The following ACOXL variants were observed in gnomAD, a reference collection of about 807,000 sequenced individuals.
The protein encoded by ACOXL is acyl-CoA oxidase like, also known as acyl-coenzyme A oxidase-like protein.
A neutral mutation model predicts 71.9 loss-of-function variants in ACOXL; 70 were observed. That is an observed-to-expected ratio of 0.97 (90% CI 0.80 to 1.19). ACOXL has a LOEUF of 1.19. Ranked by LOEUF, ACOXL falls within the 50% of genes most tolerant of loss-of-function variation. The pLI is 0.00. For missense variants in ACOXL, 703 were observed against 736.3 expected (o/e 0.95, Z 0.52); for synonymous variants, 253 against 281.6 (o/e 0.90, Z 1.02).
intron 9 of ACOXL, among the ~76,000 whole-genome samples, chr2:110,807,095 C>T (rs1686744973): frequency 6.6e-6 from 1 of 152,244 alleles, no homozygotes; most frequent in Non-Finnish European, 1.5e-5. Context: ...GGGCCACATT[C>T]GCATCAGTTC....
chr2:111,021,454 G>A (rs1173548388), intron 14 of ACOXL, among the ~76,000 whole-genome samples: 1 of 152,140 alleles, frequency 6.6e-6, no homozygotes, highest in Non-Finnish European at 1.5e-5. Flanking sequence ...TTCTAGCTCA[G>A]TTTCAAAGCT....
At chr2:110,991,700 T>A (rs1425463727) in intron 13 of ACOXL, among the ~76,000 whole-genome samples, 1 of 152,140 alleles carries the variant, frequency 6.6e-6, no homozygotes, top group Non-Finnish European at 1.5e-5. Context: ...TTCCTTTTTT[T>A]ATTGCTGCTC....
intron 9 of ACOXL, among the ~76,000 whole-genome samples, chr2:110,819,222 C>G (rs1051067924): frequency 6.6e-6 from 1 of 152,126 alleles, no homozygotes; most frequent in African/African-American, 2.4e-5. Flanking sequence ...TGGTTTGGAC[C>G]AGATAATGAA....
In ACOXL at chr2:110,995,499, C is replaced by CAAAAAAAAAAAAAAAAAAA. The variant is rs567318996; in HGVS notation, c.1170-393_1170-375dup. ...TGGGAAACAGAGTGAGACTCTGTCT[C>CAAAAAAAAAAAAAAAAAAA]AAAAAAAAAAAAAAAAAAAGAATTG... On this transcript the variant is annotated intron_variant, in intron 13 of 17. Coordinates refer to ENST00000439055, the MANE Select transcript of ACOXL (RefSeq NM_001142807.4). Among the ~76,000 whole-genome samples, 2 of 67,304 alleles carry CAAAAAAAAAAAAAAAAAAA rather than the reference C, an allele frequency of 3.0e-5. 1 individual carries two copies. The highest frequency in any genetic ancestry group is 9.3e-4 in the East Asian group (2 of 2,158). The allele number at this position is 67,304 out of a possible 152,430, so 44.2% of individuals were successfully genotyped here.
chr2:111,022,932 G>A (rs2064840109), intron 14 of ACOXL, among the ~76,000 whole-genome samples: 2 of 152,230 alleles, frequency 1.3e-5, no homozygotes, highest in African/African-American at 4.8e-5. Flanking sequence ...ACTCTGCAAG[G>A]TGGTTACTGG....
chr2:111,056,491 A>T lies in ACOXL; in HGVS notation c.1440+7203A>T, dbSNP rs369988998. Reference sequence around the variant, plus strand: ...TAGGGCTAACTTTTTAACTCAAAAAAATATATATATATTTAGGCCAGGCAT... The same window carrying T: ...TAGGGCTAACTTTTTAACTCAAAAATATATATATATATTTAGGCCAGGCAT... On this transcript the variant is annotated intron_variant, in intron 16 of 17. Transcript: ENST00000439055. Among the ~76,000 whole-genome samples the T allele has an allele frequency of 7.2e-5, 11 of 152,040 alleles. No homozygotes were observed. The East Asian group carries it at 9.7e-4, about 13-fold the overall frequency.
chr2:110,928,701 A>G (rs2060370075), intron 11 of ACOXL, among the ~76,000 whole-genome samples: 1 of 152,164 alleles, frequency 6.6e-6, no homozygotes, highest in Admixed American at 6.5e-5. Context: ...CTGTGTCCCC[A>G]CTCAAATCTC....
At chr2:110,968,681 G>A in intron 12 of ACOXL, 1 of 1,154,660 alleles carries the variant, frequency 8.7e-7, no homozygotes, top group Non-Finnish European at 1.2e-6. Flanking sequence ...TCAAAAGAAG[G>A]CAAGCTTCCT....
chr2:110,927,689 T>G (rs1283538586), intron 11 of ACOXL, among the ~76,000 whole-genome samples: 2 of 152,224 alleles, frequency 1.3e-5, no homozygotes, highest in Non-Finnish European at 2.9e-5. Context: ...GTAAATTCTG[T>G]GAGCACAGAA....
chr2:111,055,921 T>C (rs781168239), intron 16 of ACOXL, among the ~76,000 whole-genome samples: 4 of 152,160 alleles, frequency 2.6e-5, no homozygotes, highest in African/African-American at 7.2e-5. Context: ...CTTATCCTCG[T>C]AAGCTAGAGC....
chr2:110,835,264 T>G (rs551585304), intron 9 of ACOXL, among the ~76,000 whole-genome samples: 2 of 149,256 alleles, frequency 1.3e-5, no homozygotes, highest in East Asian at 3.9e-4. Context: ...TTTCTTTAGG[T>G]TTTTTTTTTA....
chr2:110,908,748 C>G, intron 10 of ACOXL, 41 bp from the exon 11 acceptor site: 1 of 1,533,176 alleles, frequency 6.5e-7, no homozygotes, highest in Non-Finnish European at 9.0e-7. Flanking sequence ...ACCTCCCGCT[C>G]CTGGATTTTG....
At chr2:110,966,028 A>C (rs2061912369) in intron 12 of ACOXL, among the ~76,000 whole-genome samples, 1 of 152,176 alleles carries the variant, frequency 6.6e-6, no homozygotes, top group Non-Finnish European at 1.5e-5. Flanking sequence ...ACAAAAAAAC[A>C]TAACCATTCT....
At chr2:110,970,269 T>C (rs1427884664) in intron 12 of ACOXL, among the ~76,000 whole-genome samples, 1 of 152,246 alleles carries the variant, frequency 6.6e-6, no homozygotes, top group East Asian at 1.9e-4. Flanking sequence ...AATCTGGTAA[T>C]GCACAAAATG....
chr2:110,871,423 G>A (rs556869208), intron 10 of ACOXL, among the ~76,000 whole-genome samples: 22 of 151,954 alleles, frequency 1.4e-4, no homozygotes, highest in Non-Finnish European at 2.9e-4. Context: ...CAGCCCAGTG[G>A]AGAAACAAAT....
At chr2:110,906,292 C>T (rs769361791) in intron 10 of ACOXL, among the ~76,000 whole-genome samples, 3 of 152,020 alleles carry the variant, frequency 2.0e-5, no homozygotes, top group Admixed American at 6.6e-5. Flanking sequence ...AATCCCAGCA[C>T]GTTGGGAGGC....
At chr2:110,806,830 C>T (rs927833770) in intron 9 of ACOXL, among the ~76,000 whole-genome samples, 7 of 152,138 alleles carry the variant, frequency 4.6e-5, no homozygotes, top group African/African-American at 1.7e-4. Flanking sequence ...GTCCATGCCG[C>T]CAGCAGCCCT....
At chr2:110,884,092 T>C (rs1340266552) in intron 10 of ACOXL, among the ~76,000 whole-genome samples, 1 of 152,186 alleles carries the variant, frequency 6.6e-6, no homozygotes, top group Non-Finnish European at 1.5e-5. Context: ...TAAGACAGAT[T>C]AACAGGAGCA....
chr2:110,801,778 C>T, intron 8 of ACOXL, 54 bp downstream of exon 8: 3 of 1,523,230 alleles, frequency 2.0e-6, no homozygotes, highest in South Asian at 1.1e-5. Flanking sequence ...TCACTGCTCT[C>T]CAAAGTTGGC....
Sources: gnomAD v4.1 joint callset for allele counts (sites outside exome capture counted in the v4.1 genomes callset) on GRCh38, gnomAD v4.1.1 for gene constraint, MANE v1.5 for transcripts, NCBI Gene and HGNC (gene_info 2026-07-23, HGNC 2026-07-21) for gene names.